Variants in ARSB observed in about 807,000 individuals in gnomAD.
ARSB encodes the protein arylsulfatase B.
A neutral mutation model predicts 50.9 loss-of-function variants in ARSB; 41 were observed. The observed-to-expected ratio is 0.81, with a 90% confidence interval of 0.63 to 1.04. ARSB has a LOEUF of 1.04. Ranked by LOEUF, ARSB falls within the 50% of genes least tolerant of loss-of-function variation. ARSB has a pLI of 0.00. For synonymous variants in ARSB, 269 were observed against 284.8 expected, an observed-to-expected ratio of 0.94 and a Z score of 0.56; for missense variants, 672 against 693.3, an observed-to-expected ratio of 0.97 and a Z score of 0.35.
chr5:78,822,773 G>A (rs1023846168), intron 6 of ARSB, among the ~76,000 whole-genome samples: 1 of 152,110 alleles, frequency 6.6e-6, no homozygotes, highest in Non-Finnish European at 1.5e-5. Context: ...GAGTAGCTGG[G>A]ACTACAGATG....
chr5:78,943,912 C>T (rs1452477455), intron 4 of ARSB, among the ~76,000 whole-genome samples: 1 of 152,240 alleles, frequency 6.6e-6, no homozygotes, highest in African/African-American at 2.4e-5. Context: ...CTTTCAGGTA[C>T]ACCAATCAGA....
intron 6 of ARSB, among the ~76,000 whole-genome samples, chr5:78,792,011 C>T (rs1418607450): frequency 6.6e-6 from 1 of 151,544 alleles, no homozygotes; most frequent in Non-Finnish European, 1.5e-5. Flanking sequence ...TACACTAACA[C>T]TAATGACAGC....
rs1276719196 is a variant in ARSB at position 78,982,024 on chromosome 5, C to T, written c.312+2913G>A. Among the ~76,000 whole-genome samples the T allele has an allele frequency of 9.2e-5, 4 of 43,366 alleles. 2 individuals carry two copies. Among genetic ancestry groups the T allele is most frequent in the African/African-American group, 1.4e-4 (2 of 14,094 alleles). 28.4% of individuals were successfully genotyped at this position (43,366 alleles called of 152,430 possible). A position where few individuals can be genotyped will look rare whatever the true frequency, so the allele number is the denominator to read the frequency against. ...CTGCAAGCTCCGCTTCCCGGGTTCACGCCATTCTCCTGCCTCAGCCTCCCG... is the reference window on the plus strand; with the variant it reads ...CTGCAAGCTCCGCTTCCCGGGTTCATGCCATTCTCCTGCCTCAGCCTCCCG... On this transcript the variant is annotated intron_variant, in intron 1 of 7. Coordinates refer to ENST00000264914, the MANE Select transcript of ARSB (RefSeq NM_000046.5).
chr5:78,982,699 T>C (rs894490295), intron 1 of ARSB, among the ~76,000 whole-genome samples: 2 of 152,234 alleles, frequency 1.3e-5, no homozygotes, highest in Non-Finnish European at 2.9e-5. Flanking sequence ...CTCAGAACAA[T>C]ACCAGCATAT....
intron 6 of ARSB, among the ~76,000 whole-genome samples, chr5:78,804,509 T>C (rs902562358): frequency 1.3e-5 from 2 of 152,140 alleles, no homozygotes; most frequent in Non-Finnish European, 2.9e-5. Context: ...TTCTAACTTA[T>C]CAAGCAGGGT....
At chr5:78,810,544 G>C (rs568019358) in intron 6 of ARSB, among the ~76,000 whole-genome samples, 1 of 152,326 alleles carries the variant, frequency 6.6e-6, no homozygotes, top group African/African-American at 2.4e-5. Flanking sequence ...GTCTGTTTTT[G>C]CCATGAGAGC....
chr5:78,784,180 A>ATTTATG (rs1749017833), intron 6 of ARSB, among the ~76,000 whole-genome samples: 1 of 152,236 alleles, frequency 6.6e-6, no homozygotes, highest in Admixed American at 6.5e-5. Flanking sequence ...AATATATAGC[A>ATTTATG]CTGTTTTATG....
chr5:78,784,805 T>TTA (rs1159376983), intron 6 of ARSB, among the ~76,000 whole-genome samples: 2 of 150,346 alleles, frequency 1.3e-5, no homozygotes, highest in African/African-American at 4.9e-5. Context: ...AGTCTTTTTT[T>TTA]TTTTTTTTTT....
At chr5:78,889,848 C>T (rs4704532) in intron 4 of ARSB, among the ~76,000 whole-genome samples, 20,792 of 152,204 alleles carry the variant, frequency 0.14, 1,701 homozygotes, top group Middle Eastern at 0.21. Context: ...AACATCATCT[C>T]TACCCCAACA....
rs374929000 is a variant in ARSB at position 78,779,982 on chromosome 5, G to T, written c.*415C>A. 4 of 271,614 alleles carry T rather than the reference G, an allele frequency of 1.5e-5. No individual in the cohort carries two copies. The highest frequency in any genetic ancestry group is 8.9e-5 in the African/African-American group (4 of 45,094). The allele number at this position is 271,614 out of a possible 1,614,324, so 16.8% of individuals were successfully genotyped here. A position where few individuals can be genotyped will look rare whatever the true frequency, so the allele number is the denominator to read the frequency against. ...TTGGCCAACAGAACCATTAATCACT[G>T]TCTGCTCCCTTCATTTGCGTAAGAA... On this transcript the variant is annotated 3_prime_UTR_variant, in exon 8 of 8. Transcript: ENST00000264914.
chr5:78,909,641 C>A (rs1403769188), intron 4 of ARSB, among the ~76,000 whole-genome samples: 1 of 152,138 alleles, frequency 6.6e-6, no homozygotes, highest in Non-Finnish European at 1.5e-5. Flanking sequence ...CTCGATAAAC[C>A]AGGGGCACAA....
At chr5:78,802,250 T>C (rs1289701100) in intron 6 of ARSB, among the ~76,000 whole-genome samples, 3 of 152,118 alleles carry the variant, frequency 2.0e-5, no homozygotes, top group Non-Finnish European at 2.9e-5. Flanking sequence ...GCAACCCCTG[T>C]TCATCTTCCA....
intron 3 of ARSB, among the ~76,000 whole-genome samples, chr5:78,963,503 T>C (rs1247936890): frequency 6.6e-6 from 1 of 152,166 alleles, no homozygotes; most frequent in South Asian, 2.1e-4. Context: ...CACTGAAGTA[T>C]TATTTTTATG....
chr5:78,907,724 T>C (rs557378232), intron 4 of ARSB, among the ~76,000 whole-genome samples: 21 of 152,284 alleles, frequency 1.4e-4, no homozygotes, highest in Middle Eastern at 3.4e-3. Context: ...GGTAGAGCGG[T>C]TGCACAGATG....
chr5:78,800,253 G>A (rs1743335956), intron 6 of ARSB, among the ~76,000 whole-genome samples: 1 of 151,710 alleles, frequency 6.6e-6, no homozygotes, highest in Non-Finnish European at 1.5e-5. Flanking sequence ...AGGAGGCAGA[G>A]GTTGCAGTAA....
chr5:78,949,210 T>C (rs1269648960), intron 4 of ARSB, among the ~76,000 whole-genome samples: 1 of 152,214 alleles, frequency 6.6e-6, no homozygotes, highest in Non-Finnish European at 1.5e-5. Flanking sequence ...CAGAAATTTT[T>C]AAAAGTTAGC....
intron 4 of ARSB, 79 bp from the exon 5 acceptor site, chr5:78,885,906 G>T (rs1748013039): frequency 1.9e-6 from 3 of 1,601,088 alleles, no homozygotes; most frequent in Middle Eastern, 1.7e-4. Flanking sequence ...TATGTACATT[G>T]TTACTAAATG....
chr5:78,855,741 C>T (rs1180676770), intron 5 of ARSB, among the ~76,000 whole-genome samples: 1 of 152,150 alleles, frequency 6.6e-6, no homozygotes, highest in African/African-American at 2.4e-5. Flanking sequence ...GACCCCAGTG[C>T]TCAGGTCTGT....
At chr5:78,809,975 G>A (rs1383051534) in intron 6 of ARSB, among the ~76,000 whole-genome samples, 2 of 152,220 alleles carry the variant, frequency 1.3e-5, no homozygotes, top group Non-Finnish European at 2.9e-5. Flanking sequence ...ATCAAGCCTG[G>A]TCTGGTGGCC....
Sources: allele counts gnomAD v4.1 joint callset (sites outside exome capture counted in the v4.1 genomes callset), GRCh38; gene constraint gnomAD v4.1.1; transcripts MANE v1.5; gene names NCBI Gene and HGNC (gene_info 2026-07-23, HGNC 2026-07-21).